Variants in ATXN1 observed in about 807,000 individuals in gnomAD.
ATXN1 encodes the protein ataxin 1.
Under a neutral mutation model 56.4 loss-of-function variants are expected in ATXN1, and 8 were observed. The ratio of observed to expected loss-of-function variants is 0.14; its 90% CI spans 0.08 to 0.26. The LOEUF is 0.26. Among genes scored for constraint, ATXN1 ranks in the 10% least tolerant of loss-of-function variants. The pLI, the probability that ATXN1 is intolerant of heterozygous loss-of-function variation, is 1.00. For synonymous variants in ATXN1, 514 were observed against 494.6 expected, an observed-to-expected ratio of 1.04 and a Z score of -0.52; for missense variants, 987 against 1,106.5, an observed-to-expected ratio of 0.89 and a Z score of 1.53.
intron 4 of ATXN1, among the ~76,000 whole-genome samples, chr6:16,546,182 A>G (rs897340718): frequency 6.6e-6 from 1 of 152,246 alleles, no homozygotes; most frequent in East Asian, 1.9e-4. Flanking sequence ...AACATGTACC[A>G]AAGACTCACA....
chr6:16,560,008 C>G (rs921436648), intron 4 of ATXN1, among the ~76,000 whole-genome samples: 1 of 152,188 alleles, frequency 6.6e-6, no homozygotes, highest in Non-Finnish European at 1.5e-5. Context: ...GGACCACCTC[C>G]AAGACCAAGT....
chr6:16,466,895 T>C (rs79023029), intron 6 of ATXN1, among the ~76,000 whole-genome samples: 2,092 of 152,336 alleles, frequency 0.014, 55 homozygotes, highest in African/African-American at 0.046. Context: ...GGATTAATGT[T>C]CTTTCCATCT....
chr6:16,527,921 ACT>A (rs1021884694), intron 4 of ATXN1, among the ~76,000 whole-genome samples: 12 of 151,546 alleles, frequency 7.9e-5, no homozygotes, highest in African/African-American at 2.9e-4. Flanking sequence ...GCTTTGCCCA[ACT>A]CTCTCGTGGT....
intron 2 of ATXN1, among the ~76,000 whole-genome samples, chr6:16,695,224 C>T (rs1007293860): frequency 2.6e-5 from 4 of 152,160 alleles, no homozygotes; most frequent in African/African-American, 9.7e-5. Flanking sequence ...CTTAGACTTA[C>T]AATCTTTCTG....
intron 6 of ATXN1, among the ~76,000 whole-genome samples, chr6:16,372,172 TC>T (rs1338885130): frequency 6.6e-6 from 1 of 152,204 alleles, no homozygotes; most frequent in Non-Finnish European, 1.5e-5. Context: ...AAGTTGAACA[TC>T]TCAGTAAATG....
At chr6:16,405,017 G>A (rs942473011) in intron 6 of ATXN1, among the ~76,000 whole-genome samples, 1 of 152,200 alleles carries the variant, frequency 6.6e-6, no homozygotes, top group Non-Finnish European at 1.5e-5. Flanking sequence ...TACTTTCTCA[G>A]AAGCAAGACT....
chr6:16,573,809 A>C (rs1256658110), intron 4 of ATXN1, among the ~76,000 whole-genome samples: 2 of 152,000 alleles, frequency 1.3e-5, no homozygotes, highest in African/African-American at 4.8e-5. Context: ...ATGACCCCTC[A>C]GTTTCCTCCA....
chr6:16,597,989 A>G (rs2113777427), intron 3 of ATXN1, among the ~76,000 whole-genome samples: 1 of 152,314 alleles, frequency 6.6e-6, no homozygotes, highest in South Asian at 2.1e-4. Context: ...GCTAACACAG[A>G]TTTTTAATGT....
chr6:16,329,427 C>T (rs1014230780), intron 6 of ATXN1, among the ~76,000 whole-genome samples: 2 of 152,126 alleles, frequency 1.3e-5, no homozygotes, highest in African/African-American at 4.8e-5. Context: ...CACACACACG[C>T]CAACTCAGCA....
At chr6:16,397,097 G>C (rs1758473523) in intron 6 of ATXN1, among the ~76,000 whole-genome samples, 1 of 152,152 alleles carries the variant, frequency 6.6e-6, no homozygotes, top group Non-Finnish European at 1.5e-5. Flanking sequence ...TGTCCTATAT[G>C]GTGGTGTGCT....
At chr6:16,331,784 C>G (rs1195604754) in intron 6 of ATXN1, among the ~76,000 whole-genome samples, 2 of 152,174 alleles carry the variant, frequency 1.3e-5, no homozygotes, top group African/African-American at 4.8e-5. Flanking sequence ...GCACAATACA[C>G]AAAACTAGAA....
At position 16,328,604 on chromosome 6, in the gene ATXN1, T is replaced by C. The variant is rs763663611; in HGVS notation, c.-160-134A>G. The C allele has an allele frequency of 2.3e-5, 7 of 310,714 alleles. No homozygotes were observed. Among genetic ancestry groups the C allele is most frequent in the South Asian group, 2.2e-4 (2 of 9,176 alleles). 19.2% of individuals were successfully genotyped at this position (310,714 alleles called of 1,614,324 possible). A position where few individuals can be genotyped will look rare whatever the true frequency, so the allele number is the denominator to read the frequency against. On this transcript the variant is annotated intron_variant, in intron 6 of 7. Coordinates refer to ENST00000436367, the MANE Select transcript of ATXN1 (RefSeq NM_001128164.2). The surrounding 1 kb of genome is among the most constrained non-coding windows in gnomAD (Gnocchi z 6.2). Reference sequence around the variant, plus strand: ...GATTAAGACTAGGCCCTGGACTCGGTGTGAACTCCCATAACCCAATCATAC... The same window carrying C: ...GATTAAGACTAGGCCCTGGACTCGGCGTGAACTCCCATAACCCAATCATAC...
chr6:16,667,736 G>A (rs1171712808), intron 2 of ATXN1, among the ~76,000 whole-genome samples: 1 of 152,148 alleles, frequency 6.6e-6, no homozygotes, highest in Non-Finnish European at 1.5e-5. Flanking sequence ...CTTTCTAAAC[G>A]CTTAACTCCC....
At chr6:16,415,888 C>T (rs542522903) in intron 6 of ATXN1, among the ~76,000 whole-genome samples, 3 of 152,224 alleles carry the variant, frequency 2.0e-5, no homozygotes, top group African/African-American at 4.8e-5. Flanking sequence ...CCCTCCTCCG[C>T]GCCTCTGCTG....
chr6:16,454,144 A>C lies in ATXN1; in HGVS notation c.-161+31828T>G, dbSNP rs866523478. Among the ~76,000 whole-genome samples, 135 of 150,398 alleles carry C rather than the reference A, an allele frequency of 9.0e-4. 4 individuals are homozygous for C. Among genetic ancestry groups the C allele is most frequent in the African/African-American group, 3.0e-3 (124 of 41,016 alleles). Reference sequence around the variant, plus strand: ...CTGTCTCAAAAAAAAAAAAAAAAAAAAAAAAAAAAACAGAAGAATTAGATC... The same window carrying C: ...CTGTCTCAAAAAAAAAAAAAAAAAACAAAAAAAAAACAGAAGAATTAGATC... On this transcript the variant is annotated intron_variant, in intron 6 of 7. Transcript: ENST00000436367.
intron 2 of ATXN1, among the ~76,000 whole-genome samples, chr6:16,746,004 T>C (rs1307592005): frequency 1.3e-5 from 2 of 150,698 alleles, no homozygotes; most frequent in Non-Finnish European, 3.0e-5. Flanking sequence ...GATACTACCA[T>C]AAGCAACATC....
At chr6:16,627,447 G>A (rs146284575) in intron 3 of ATXN1, among the ~76,000 whole-genome samples, 2 of 152,136 alleles carry the variant, frequency 1.3e-5, no homozygotes, top group African/African-American at 4.8e-5. Context: ...CAGGGTCCTC[G>A]GCCAGGCGCG....
intron 4 of ATXN1, among the ~76,000 whole-genome samples, chr6:16,539,695 T>C (rs577747666): frequency 2.6e-5 from 4 of 152,336 alleles, no homozygotes; most frequent in African/African-American, 9.6e-5. Flanking sequence ...CCTCTGTGGC[T>C]TAGTCATCGG....
chr6:16,624,908 C>T (rs775876213), intron 3 of ATXN1, among the ~76,000 whole-genome samples: 22 of 152,216 alleles, frequency 1.4e-4, no homozygotes, highest in African/African-American at 5.1e-4. Context: ...CAAACTGCAG[C>T]TTCAACCTTT....
Sources: gnomAD v4.1 joint callset for allele counts (sites outside exome capture counted in the v4.1 genomes callset) on GRCh38, gnomAD v4.1.1 for gene constraint, Gnocchi (gnomAD v3.1) non-coding constraint, MANE v1.5 for transcripts, NCBI Gene and HGNC (gene_info 2026-07-23, HGNC 2026-07-21) for gene names.